ABCA13: variants seen among roughly 807,000 people sequenced by gnomAD.
The protein encoded by ABCA13 is ATP binding cassette subfamily A member 13.
A neutral mutation model predicts 478.7 loss-of-function variants in ABCA13; 476 were observed. The ratio of observed to expected loss-of-function variants is 0.99; its 90% confidence interval spans 0.92 to 1.07. ABCA13 has a LOEUF of 1.07. ABCA13 is among the 50% of genes least tolerant of loss of function. The probability of loss-of-function intolerance (pLI) is 0.00; values close to 1 mark genes in which losing one functional copy is unlikely to be tolerated. For synonymous variants in ABCA13, 2,252 were observed against 2,158.9 expected, an observed-to-expected ratio of 1.04 and a Z score of -1.20; for missense variants, 6,060 against 5,910.6, an observed-to-expected ratio of 1.03 and a Z score of -0.83.
intron 48 of ABCA13, among the ~76,000 whole-genome samples, chr7:48,497,005 A>G (rs1250855279): frequency 1.3e-5 from 2 of 151,558 alleles, no homozygotes; most frequent in African/African-American, 4.8e-5. Flanking sequence ...TTCAGCTGTT[A>G]TGTCTTTGAA....
intron 60 of ABCA13, 35 bp downstream of exon 60, chr7:48,643,428 C>T: frequency 6.7e-7 from 1 of 1,491,386 alleles, no homozygotes; most frequent in Non-Finnish European, 9.3e-7. Flanking sequence ...TCTTTGTTTT[C>T]AGCTAAAAAA....
In ABCA13 at chr7:48,434,304, A is replaced by G. The variant is rs534240854; in HGVS notation, c.12565+6433A>G. Among the ~76,000 whole-genome samples the G allele has an allele frequency of 9.2e-5, 14 of 152,084 alleles. 1 individual carries two copies. The South Asian group carries it at 2.9e-3, about 31-fold the overall frequency. On this transcript the variant is annotated intron_variant, in intron 42 of 61. Transcript: ENST00000435803. ...TTTCATGTGCTTATTGGCCATTAGC[A>G]TATCTTCTTTGGAGAATCCTCTAGT...
At chr7:48,555,763 A>AT (rs1371910905) in intron 55 of ABCA13, among the ~76,000 whole-genome samples, 1 of 151,500 alleles carries the variant, frequency 6.6e-6, no homozygotes, top group Non-Finnish European at 1.5e-5. Flanking sequence ...CAAAAAACAA[A>AT]TTTTTATTTT....
Position 48,524,238 on chromosome 7 carries a change from A to G in ABCA13, c.14052-10A>G, listed in dbSNP as rs1554551983. 1.2e-6 allele frequency: 2 copies of G among 1,607,726 alleles called. No individual in the cohort carries two copies. The highest frequency in any genetic ancestry group is 1.7e-6 in the Non-Finnish European group (2 of 1,177,058). ...CTAGGTGTGAATTCACTCTGATTTCATCTTCCCAGGGGTCATTCTACTCTC... is the reference window on the plus strand; with the variant it reads ...CTAGGTGTGAATTCACTCTGATTTCGTCTTCCCAGGGGTCATTCTACTCTC... On this transcript the variant is annotated splice_polypyrimidine_tract_variant and intron_variant, in intron 53 of 61. Coordinates refer to ENST00000435803, the MANE Select transcript of ABCA13 (RefSeq NM_152701.5).
chr7:48,548,314 C>A (rs1534393), intron 55 of ABCA13, among the ~76,000 whole-genome samples: 22,576 of 151,734 alleles, frequency 0.15, 2,159 homozygotes, highest in East Asian at 0.29. Flanking sequence ...AGTCCCCTGG[C>A]GGAGAAATGT....
chr7:48,471,483 CTT>C (rs1333596441), intron 44 of ABCA13, 45 bp from the exon 45 acceptor site: 1 of 1,481,904 alleles, frequency 6.7e-7, no homozygotes, highest in South Asian at 1.2e-5. Context: ...AATACAATGG[CTT>C]TGTAAATCTA....
At chr7:48,468,584 A>G (rs1827143088) in intron 44 of ABCA13, among the ~76,000 whole-genome samples, 1 of 152,248 alleles carries the variant, frequency 6.6e-6, no homozygotes, top group African/African-American at 2.4e-5. Flanking sequence ...TTGATTCACT[A>G]GGACCTCAAA....
intron 42 of ABCA13, among the ~76,000 whole-genome samples, chr7:48,439,096 T>C (rs1455877319): frequency 3.3e-5 from 5 of 152,190 alleles, no homozygotes; most frequent in Non-Finnish European, 2.9e-5. Flanking sequence ...ACAGAACAGA[T>C]TAAAACAATA....
chr7:48,320,982 C>A (rs80281281), intron 27 of ABCA13, among the ~76,000 whole-genome samples: 25 of 152,294 alleles, frequency 1.6e-4, no homozygotes, highest in Middle Eastern at 3.4e-3. Flanking sequence ...GGGATCTCCT[C>A]CCCTACAAGT....
chr7:48,276,115 C>G lies in ABCA13; in HGVS notation c.6449C>G (p.Thr2150Ser). 6.3e-7 allele frequency: 1 copy of G among 1,598,074 alleles called. No homozygotes were observed. Among genetic ancestry groups the G allele is most frequent in the Middle Eastern group, 1.7e-4 (1 of 6,002 alleles). ...RMIETLFIPV[T>S]NESSTEDIAL... ...ATAGAAACATTATTCATTCCTGTGACCAATGAGAGTTCAACTGAAGATATA... is the reference window on the plus strand; with the variant it reads ...ATAGAAACATTATTCATTCCTGTGAGCAATGAGAGTTCAACTGAAGATATA... The change falls in exon 17 of 62, where the codon ACC (threonine) becomes AGC (serine). Residue 2150 changes from threonine to serine, a missense_variant. Transcript: ENST00000435803.
chr7:48,388,444 C>G (rs1279101343), intron 36 of ABCA13, among the ~76,000 whole-genome samples: 1 of 152,206 alleles, frequency 6.6e-6, no homozygotes, highest in Non-Finnish European at 1.5e-5. Context: ...AGGGGCAGGA[C>G]TGTCCCTGTG....
chr7:48,327,364 A>G (rs930958074), intron 27 of ABCA13, among the ~76,000 whole-genome samples: 2 of 152,190 alleles, frequency 1.3e-5, no homozygotes, highest in Admixed American at 6.5e-5. Flanking sequence ...CCGTTATTTA[A>G]TTACCTCCCA....
At chr7:48,452,603 T>G (rs1397660645) in intron 42 of ABCA13, among the ~76,000 whole-genome samples, 1 of 152,220 alleles carries the variant, frequency 6.6e-6, no homozygotes, top group Non-Finnish European at 1.5e-5. Context: ...ATTTCCCTGC[T>G]GTACACAAAT....
At chr7:48,299,727 C>G (rs1231550384) in intron 23 of ABCA13, among the ~76,000 whole-genome samples, 1 of 152,162 alleles carries the variant, frequency 6.6e-6, no homozygotes, top group African/African-American at 2.4e-5. Context: ...GGTTTGGGCT[C>G]AACTGTTTTT....
At chr7:48,622,707 G>A (rs1285725693) in intron 59 of ABCA13, among the ~76,000 whole-genome samples, 1 of 152,060 alleles carries the variant, frequency 6.6e-6, no homozygotes, top group East Asian at 1.9e-4. Flanking sequence ...TAGCAATCTG[G>A]ATAATAATAT....
rs1345209868 is a variant in ABCA13, at chr7:48,274,695, C to T, written c.5029C>T (p.Leu1677Phe). 1 of 1,613,822 alleles carries T rather than the reference C, an allele frequency of 6.2e-7. No individual in the cohort carries two copies. Among genetic ancestry groups the T allele is most frequent in the East Asian group, 2.2e-5 (1 of 44,898 alleles). The change falls in exon 17 of 62, where the codon CTT (leucine) becomes TTT (phenylalanine). Residue 1677 changes from leucine (L) to phenylalanine (F), a missense_variant. By Grantham distance (22) the Leu-to-Phe change is conservative (BLOSUM62 0). This residue lies in a region of ABCA13 where 4,423 missense variants were observed against 4,309.1 expected (regional missense o/e 1.03). Coordinates refer to ENST00000435803, the MANE Select transcript of ABCA13 (RefSeq NM_152701.5). ...MRTLKKADIDLLVDQLEQVSV... is the reference protein window; with the variant it reads ...MRTLKKADIDFLVDQLEQVSV... Reference sequence around the variant, plus strand: ...TACCCTTAAGAAGGCAGACATAGACCTTTTAGTGGATCAGCTTGAACAAGT... The same window carrying T: ...TACCCTTAAGAAGGCAGACATAGACTTTTTAGTGGATCAGCTTGAACAAGT...
At chr7:48,625,500 T>C (rs1389658579) in intron 59 of ABCA13, among the ~76,000 whole-genome samples, 1 of 152,062 alleles carries the variant, frequency 6.6e-6, no homozygotes, top group Non-Finnish European at 1.5e-5. Flanking sequence ...GAATTAATTC[T>C]CTTTACTAGA....
intron 31 of ABCA13, among the ~76,000 whole-genome samples, chr7:48,363,437 A>G (rs1410552390): frequency 6.6e-6 from 1 of 152,104 alleles, no homozygotes; most frequent in Non-Finnish European, 1.5e-5. Flanking sequence ...ATTCTAGGAC[A>G]ATTTTCTATG....
chr7:48,477,612 T>C (rs1375650460), intron 45 of ABCA13, among the ~76,000 whole-genome samples: 1 of 151,626 alleles, frequency 6.6e-6, no homozygotes, highest in East Asian at 1.9e-4. Context: ...AAACTGGAAA[T>C]CATCATTCTC....
Sources: gnomAD v4.1 joint callset for allele counts (sites outside exome capture counted in the v4.1 genomes callset) on GRCh38, gnomAD v4.1.1 for gene constraint, gnomAD v4.1.1 regional missense constraint, MANE v1.5 for transcripts, NCBI Gene and HGNC (gene_info 2026-07-23, HGNC 2026-07-21) for gene names.